PCSK6: variants seen among roughly 807,000 people sequenced by gnomAD.
The protein encoded by PCSK6 is paired basic amino acid cleaving enzyme 4.
A neutral mutation model predicts 123.3 loss-of-function variants in PCSK6; 85 were observed. The ratio of observed to expected loss-of-function variants is 0.69; its 90% CI spans 0.58 to 0.83. The LOEUF (loss-of-function observed/expected upper bound fraction) is 0.83. Among genes scored for constraint, PCSK6 ranks in the 40% least tolerant of loss-of-function variants. PCSK6 has a pLI of 0.00. For synonymous variants in PCSK6, 508 were observed against 516.0 expected, an observed-to-expected ratio of 0.98 and a Z score of 0.21; for missense variants, 1,191 against 1,282.3, an observed-to-expected ratio of 0.93 and a Z score of 1.09.
intron 20 of PCSK6, chr15:101,308,941 G>C (rs920405740): frequency 6.6e-6 from 1 of 152,334 alleles, no homozygotes; most frequent in African/African-American, 2.4e-5. Flanking sequence ...CCCAGGCCAC[G>C]GCTGAGGGCT....
intron 6 of PCSK6, among the ~76,000 whole-genome samples, chr15:101,418,436 T>G (rs1233361651): frequency 6.6e-6 from 1 of 152,130 alleles, no homozygotes; most frequent in African/African-American, 2.4e-5. Context: ...ACATCAGCAG[T>G]TGAATGCAGA....
intron 2 of PCSK6, among the ~76,000 whole-genome samples, chr15:101,437,511 G>A (rs935808921): frequency 7.9e-5 from 12 of 152,156 alleles, no homozygotes; most frequent in African/African-American, 2.6e-4. Flanking sequence ...AGGCAGCTGC[G>A]AGCCCAGCTC....
chr15:101,360,872 G>A (rs2041201343), intron 13 of PCSK6, among the ~76,000 whole-genome samples: 1 of 152,170 alleles, frequency 6.6e-6, no homozygotes, highest in African/African-American at 2.4e-5. Context: ...ACCCTGCCCT[G>A]CTTCATTTTT....
intron 6 of PCSK6, among the ~76,000 whole-genome samples, chr15:101,424,529 T>TA (rs531333937): frequency 1.5e-4 from 23 of 152,180 alleles, no homozygotes; most frequent in African/African-American, 5.3e-4. Context: ...CCTCAATAAA[T>TA]ACCAAAGAGC....
intron 12 of PCSK6, among the ~76,000 whole-genome samples, chr15:101,366,536 C>A (rs1209186831): frequency 6.6e-6 from 1 of 152,154 alleles, no homozygotes; most frequent in Non-Finnish European, 1.5e-5. Flanking sequence ...CAGACTCTCT[C>A]CTCCATCACC....
At chr15:101,429,035 G>C (rs1298450301) in intron 5 of PCSK6, among the ~76,000 whole-genome samples, 1 of 152,212 alleles carries the variant, frequency 6.6e-6, no homozygotes, top group Non-Finnish European at 1.5e-5. Flanking sequence ...AGTGGCCGAG[G>C]CTTCCTGCAC....
intron 6 of PCSK6, among the ~76,000 whole-genome samples, chr15:101,417,825 T>C (rs889190353): frequency 3.9e-5 from 6 of 151,906 alleles, no homozygotes; most frequent in Admixed American, 2.0e-4. Flanking sequence ...AAAAACCTAG[T>C]TCTCTGCAAA....
intron 6 of PCSK6, among the ~76,000 whole-genome samples, chr15:101,418,845 C>T (rs573140238): frequency 6.6e-6 from 1 of 152,234 alleles, no homozygotes; most frequent in East Asian, 1.9e-4. Context: ...TAACTTATTA[C>T]ACTACACAGA....
intron 6 of PCSK6, among the ~76,000 whole-genome samples, chr15:101,405,967 C>T (rs2042765335): frequency 6.6e-6 from 1 of 152,082 alleles, no homozygotes; most frequent in African/African-American, 2.4e-5. Context: ...GGTCTCAAAC[C>T]CCTGACCTCA....
intron 1 of PCSK6, among the ~76,000 whole-genome samples, chr15:101,467,725 T>C (rs975686822): frequency 6.6e-6 from 1 of 152,144 alleles, no homozygotes; most frequent in Non-Finnish European, 1.5e-5. Flanking sequence ...GGCTAAACCT[T>C]AGAAACACGA....
chr15:101,474,388 C>T (rs891227771), intron 1 of PCSK6, among the ~76,000 whole-genome samples: 3 of 152,184 alleles, frequency 2.0e-5, no homozygotes, highest in South Asian at 2.1e-4. Flanking sequence ...GGAGAGGACA[C>T]GTGGAAAGCT....
At position 101,342,002 on chromosome 15, in the gene PCSK6, T is replaced by C. The variant is rs560323903; in HGVS notation, c.1859-9971A>G. ...AAAATTAGCCGGGCGCGGTGGTGCA[T>C]GCCTGTAATCCCAGCTACTTGGGAG... On this transcript the variant is annotated intron_variant, in intron 13 of 21. Transcript: ENST00000611716. Among the ~76,000 whole-genome samples the C allele has an allele frequency of 1.2e-4, 18 of 151,852 alleles. No individual in the cohort carries two copies. The South Asian group carries it at 1.2e-3, about 11-fold the overall frequency.
At chr15:101,449,516 T>C (rs544235810) in intron 1 of PCSK6, among the ~76,000 whole-genome samples, 2 of 152,300 alleles carry the variant, frequency 1.3e-5, no homozygotes, top group East Asian at 3.9e-4. Flanking sequence ...GGTAGGTCCT[T>C]GGTTTTCCCA....
chr15:101,313,430 C>T lies in PCSK6; in HGVS notation c.2645G>A (p.Gly882Asp). The change falls in exon 20 of 22, where the codon GGT becomes GAT. Residue 882 changes from glycine to aspartate, a missense_variant. Gly to Asp is a moderately conservative substitution (Grantham distance 94, BLOSUM62 -1). Transcript: ENST00000611716. ...CATCTCTTCTGGGTAGAAGCCCTCACCACAGGCTGGCACACACTTCCAGTC... is the reference window on the plus strand; with the variant it reads ...CATCTCTTCTGGGTAGAAGCCCTCATCACAGGCTGGCACACACTTCCAGTC... ...FHDWKCVPAC[G>D]EGFYPEEMPG... The T allele has an allele frequency of 6.2e-7, 1 of 1,612,610 alleles. No individual in the cohort carries two copies.
rs141822270 is a variant in PCSK6, at chr15:101,345,287, C to T, written c.1859-13256G>A. Among the ~76,000 whole-genome samples, 398 of 152,250 alleles carry T rather than the reference C, an allele frequency of 2.6e-3. 1 individual carries two copies. Among genetic ancestry groups the T allele is most frequent in the Middle Eastern group, 3.4e-3 (1 of 294 alleles). On this transcript the variant is annotated intron_variant, in intron 13 of 21. Transcript: ENST00000611716. ...CTCTGTTGTTGGAAATAAAAGTCCACGACATCTTTTAACATTTTGATCTTG... is the reference window on the plus strand; with the variant it reads ...CTCTGTTGTTGGAAATAAAAGTCCATGACATCTTTTAACATTTTGATCTTG...
At chr15:101,444,991 C>T (rs1043476001) in intron 1 of PCSK6, among the ~76,000 whole-genome samples, 14 of 152,180 alleles carry the variant, frequency 9.2e-5, no homozygotes, top group Admixed American at 5.9e-4. Flanking sequence ...GTCTCCTGTT[C>T]GTGGGTTTAG....
At chr15:101,432,920 A>G (rs1340560014) in intron 2 of PCSK6, among the ~76,000 whole-genome samples, 2 of 152,252 alleles carry the variant, frequency 1.3e-5, no homozygotes, top group African/African-American at 4.8e-5. Context: ...ACAGAGAAAA[A>G]TCTAGAAAGG....
rs530837775 is a variant in PCSK6, at chr15:101,379,035, G to A, written c.1532+3057C>T. Among the ~76,000 whole-genome samples, 29 of 152,364 alleles carry A rather than the reference G, an allele frequency of 1.9e-4. 1 individual carries two copies. The South Asian group carries it at 4.1e-3, about 22-fold the overall frequency. ...CTGTGATGCCAGCCACTGGGGCAGC[G>A]TTGGAGACAGCAGCTCCGCAGGGGG... On this transcript the variant is annotated intron_variant, in intron 11 of 21. Coordinates refer to ENST00000611716, the MANE Select transcript of PCSK6 (RefSeq NM_002570.5).
chr15:101,320,052 T>C (rs1252131999), intron 18 of PCSK6, among the ~76,000 whole-genome samples: 1 of 152,012 alleles, frequency 6.6e-6, no homozygotes, highest in African/African-American at 2.4e-5. Context: ...ATCTGACACA[T>C]CTAGTAGCGT....
Sources: allele counts gnomAD v4.1 joint callset (sites outside exome capture counted in the v4.1 genomes callset), GRCh38; gene constraint gnomAD v4.1.1; transcripts MANE v1.5; gene names NCBI Gene and HGNC (gene_info 2026-07-23, HGNC 2026-07-21).